Variants in ABHD18 observed in about 807,000 individuals in gnomAD.
ABHD18 encodes the protein abhydrolase domain containing 18.
A neutral mutation model predicts 65.9 loss-of-function variants in ABHD18; 55 were observed. That is an observed-to-expected ratio of 0.84 (90% confidence interval 0.67 to 1.05). ABHD18 has a LOEUF of 1.05. Among genes scored for constraint, ABHD18 ranks in the 50% least tolerant of loss-of-function variants. ABHD18 has a pLI of 0.00. For synonymous variants in ABHD18, 181 were observed against 180.2 expected, an observed-to-expected ratio of 1.00 and a Z score of -0.04; for missense variants, 533 against 558.5, an observed-to-expected ratio of 0.95 and a Z score of 0.46.
rs915711106 is a variant in ABHD18 at position 128,037,912 on chromosome 4, TA to T, written c.*2105del. On this transcript the variant is annotated 3_prime_UTR_variant, in exon 13 of 13. Coordinates refer to ENST00000645843, the MANE Select transcript of ABHD18 (RefSeq NM_001358451.3). ...CTTCTCTAGCTGTCAGCTAAAATGT[TA>T]AAAAAGTCGAAAATATTTTAGGGTA... The T allele has an allele frequency of 6.6e-6, 1 of 151,790 alleles. No homozygotes were observed. The highest frequency in any genetic ancestry group is 2.4e-5 in the African/African-American group (1 of 41,464). The allele number at this position is 151,790 out of a possible 1,614,324, so 9.4% of individuals were successfully genotyped here.
chr4:128,019,944 A>C, intron 8 of ABHD18, 136 bp from the exon 9 acceptor site: 1 of 522,332 alleles, frequency 1.9e-6, no homozygotes, highest in Non-Finnish European at 3.4e-6. Flanking sequence ...AGGTGGCTAG[A>C]CATTCTCACG....
chr4:127,988,997 C>T (rs143566013), intron 3 of ABHD18, among the ~76,000 whole-genome samples: 1 of 152,238 alleles, frequency 6.6e-6, no homozygotes, highest in African/African-American at 2.4e-5. Flanking sequence ...TAGCACTATT[C>T]GTAGTAGCCA....
chr4:127,966,131 G>A (rs1745285338), intron 1 of ABHD18: 3 of 152,104 alleles, frequency 2.0e-5, no homozygotes, highest in African/African-American at 7.2e-5. Context: ...CATGTCATGG[G>A]TTTTCACTAG....
rs570037078 is a variant in ABHD18 at position 128,008,779 on chromosome 4, G to A, written c.279-141G>A. ...TGTAGCGTTTGGACAACTTAATTTA[G>A]TTAATTACAATTTGAATGTTAAAAT... On this transcript the variant is annotated intron_variant, in intron 4 of 12. Coordinates refer to ENST00000645843, the MANE Select transcript of ABHD18 (RefSeq NM_001358451.3). 3 of 587,378 alleles carry A rather than the reference G, an allele frequency of 5.1e-6. No individual in the cohort carries two copies. The South Asian group carries it at 7.8e-5, about 15-fold the overall frequency. 36.4% of individuals were successfully genotyped at this position (587,378 alleles called of 1,614,324 possible). A position where few individuals can be genotyped will look rare whatever the true frequency, so the allele number is the denominator to read the frequency against.
At chr4:128,008,788 A>T (rs1006672475) in intron 4 of ABHD18, 132 bp from the exon 5 acceptor site, 18 of 609,750 alleles carry the variant, frequency 3.0e-5, no homozygotes, top group Non-Finnish European at 4.5e-5. Flanking sequence ...AGTTAATTAC[A>T]ATTTGAATGT....
intron 4 of ABHD18, 113 bp from the exon 5 acceptor site, chr4:128,008,807 C>A: frequency 1.5e-6 from 1 of 674,892 alleles, no homozygotes. Flanking sequence ...GTTAAAATTT[C>A]GACTGATCTT....
rs1759032477 is a variant in ABHD18, at chr4:128,037,971, TTTTG to T, written c.*2163_*2166del. ...AAGTTTTACAGTAGGTATTTTTGAG[TTTTG>T]TTTGAAATCTGTGTTGTCTGTGAAT... is the stretch of plus-strand genomic sequence containing the variant. On this transcript the variant is annotated 3_prime_UTR_variant, in exon 13 of 13. Transcript: ENST00000645843. 1 of 152,128 alleles carries T rather than the reference TTTTG, an allele frequency of 6.6e-6. No homozygotes were observed. Among genetic ancestry groups the T allele is most frequent in the African/African-American group, 2.4e-5 (1 of 41,458 alleles). The allele number at this position is 152,128 out of a possible 1,614,324, so 9.4% of individuals were successfully genotyped here.
At chr4:128,008,883 G>T in intron 4 of ABHD18, 37 bp from the exon 5 acceptor site, 1 of 1,451,096 alleles carries the variant, frequency 6.9e-7, no homozygotes, top group South Asian at 1.3e-5. Context: ...GTCCTTTAAA[G>T]AGAATTTTAT....
chr4:127,981,549 T>TCAA (rs1458299920), intron 1 of ABHD18, among the ~76,000 whole-genome samples: 5 of 152,296 alleles, frequency 3.3e-5, no homozygotes, highest in Admixed American at 6.5e-5. Flanking sequence ...AAATATTTGT[T>TCAA]GAATGAAAAA....
In ABHD18 at chr4:127,965,483, C is replaced by A. The variant is rs1744971717; in HGVS notation, c.-141C>A. On this transcript the variant is annotated 5_prime_UTR_variant, in exon 1 of 13. In the 5' UTR this introduces an upstream ATG that the reference lacks. Transcript: ENST00000645843. ...TCCGCTGTATCTAGCATTTCGGTTC[C>A]TGGAAAGGTTACCGGAGCTGCGATT... is the stretch of plus-strand genomic sequence containing the variant. The A allele has an allele frequency of 2.4e-6, 1 of 417,406 alleles. No individual in the cohort carries two copies. The highest frequency in any genetic ancestry group is 2.0e-5 in the African/African-American group (1 of 49,754). 25.9% of individuals were successfully genotyped at this position (417,406 alleles called of 1,614,324 possible).
intron 3 of ABHD18, among the ~76,000 whole-genome samples, chr4:127,986,143 A>G (rs1162276516): frequency 6.6e-6 from 1 of 152,236 alleles, no homozygotes; most frequent in Non-Finnish European, 1.5e-5. Context: ...TGTCCTAAAA[A>G]GAAACCCTGT....
chr4:127,992,326 T>G (rs1751055269), intron 4 of ABHD18, among the ~76,000 whole-genome samples: 1 of 151,784 alleles, frequency 6.6e-6, no homozygotes, highest in Non-Finnish European at 1.5e-5. Flanking sequence ...ACAAAAAAAT[T>G]TAGCCAGGCA....
chr4:128,025,188 T>C (rs867976639), intron 10 of ABHD18, among the ~76,000 whole-genome samples: 1 of 152,038 alleles, frequency 6.6e-6, no homozygotes, highest in Non-Finnish European at 1.5e-5. Flanking sequence ...AATAAAAATA[T>C]GAACTTTTTT....
In ABHD18 at chr4:127,989,801, A is replaced by G; in HGVS notation, c.258A>G (p.Pro86=). ...PMAHYVPDIM[P]IESVIARFQF... Reference sequence around the variant, plus strand: ...CTCACTATGTGCCTGATATCATGCCAATTGAATCTGTTATTGCAAGGTAAG... The same window carrying G: ...CTCACTATGTGCCTGATATCATGCCGATTGAATCTGTTATTGCAAGGTAAG... The change falls in exon 4 of 13, where the codon CCA becomes CCG. Residue 86 remains proline (P), a synonymous_variant. Transcript: ENST00000645843. 1.3e-6 allele frequency: 2 copies of G among 1,589,832 alleles called. No homozygotes were observed. Among genetic ancestry groups the G allele is most frequent in the Non-Finnish European group, 1.7e-6 (2 of 1,167,556 alleles).
chr4:127,989,164 G>A lies in ABHD18; in HGVS notation c.178-557G>A, dbSNP rs970702643. Reference sequence around the variant, plus strand: ...AAGGACATCGCGTTAAGTAAAATAAGCCAGGCACAGAAGGACAAATTTCAT... The same window carrying A: ...AAGGACATCGCGTTAAGTAAAATAAACCAGGCACAGAAGGACAAATTTCAT... On this transcript the variant is annotated intron_variant, in intron 3 of 12. Transcript: ENST00000645843. Among the ~76,000 whole-genome samples the A allele has an allele frequency of 2.6e-5, 4 of 152,266 alleles. No homozygotes were observed. In the East Asian group the frequency reaches 5.8e-4, roughly 22 times the overall value.
At chr4:127,984,225 T>C (rs376649922) in intron 2 of ABHD18, 114 bp from the exon 3 acceptor site, 12 of 565,772 alleles carry the variant, frequency 2.1e-5, no homozygotes, top group East Asian at 8.8e-5. Flanking sequence ...TTAATATGGC[T>C]TATGAACTGG....
intron 3 of ABHD18, among the ~76,000 whole-genome samples, chr4:127,985,034 C>T (rs1055441597): frequency 6.6e-6 from 1 of 151,990 alleles, no homozygotes; most frequent in Non-Finnish European, 1.5e-5. Context: ...GAGGGTTAAA[C>T]CACTCAACAT....
intron 1 of ABHD18, among the ~76,000 whole-genome samples, chr4:127,970,981 A>C (rs1404506243): frequency 6.6e-6 from 1 of 151,912 alleles, no homozygotes; most frequent in African/African-American, 2.4e-5. Flanking sequence ...AGGCTGAGGC[A>C]GGAGAATTGC....
chr4:127,992,772 G>A (rs1344014004), intron 4 of ABHD18, among the ~76,000 whole-genome samples: 1 of 151,838 alleles, frequency 6.6e-6, no homozygotes, highest in African/African-American at 2.4e-5. Context: ...TCAAATTCCT[G>A]GGCTCATGTG....
Sources: gnomAD v4.1 joint callset for allele counts (sites outside exome capture counted in the v4.1 genomes callset) on GRCh38, gnomAD v4.1.1 for gene constraint, MANE v1.5 for transcripts, NCBI Gene and HGNC (gene_info 2026-07-23, HGNC 2026-07-21) for gene names.